Variants in CNTN6 observed in about 807,000 individuals in gnomAD.
CNTN6 encodes contactin-6.
CNTN6 carries 137 observed loss-of-function variants against 122.8 expected under a neutral mutation model. The ratio of observed to expected loss-of-function variants is 1.12; its 90% confidence interval spans 0.97 to 1.29. CNTN6 has a LOEUF of 1.29. Among genes scored for constraint, CNTN6 ranks in the 50% most tolerant of loss-of-function variants. CNTN6 has a pLI of 0.00. For missense variants in CNTN6, 1,634 were observed against 1,223.4 expected, an observed-to-expected ratio of 1.34 and a Z score of -5.01; for synonymous variants, 570 against 426.0, an observed-to-expected ratio of 1.34 and a Z score of -4.16.
At position 1,348,157 on chromosome 3, in the gene CNTN6, C is replaced by CAAAAAA. The variant is rs532282828; in HGVS notation, c.1365-4153_1365-4148dup. ...AATATTAGTATTTCTATGCTATAGA[C>CAAAAAA]AAAAAAAAAAAAAAAAAAAGGACTT... On this transcript the variant is annotated intron_variant, in intron 11 of 22. Transcript: ENST00000446702. Among the ~76,000 whole-genome samples, 7 of 64,272 alleles carry CAAAAAA rather than the reference C, an allele frequency of 1.1e-4. 1 individual carries two copies. The highest frequency in any genetic ancestry group is 2.1e-4 in the African/African-American group (3 of 14,592). The allele number at this position is 64,272 out of a possible 152,430, so 42.2% of individuals were successfully genotyped here. A position where few individuals can be genotyped will look rare whatever the true frequency, so the allele number is the denominator to read the frequency against.
chr3:1,367,857 C>T (rs1001721507), intron 12 of CNTN6, among the ~76,000 whole-genome samples: 5 of 152,084 alleles, frequency 3.3e-5, no homozygotes, highest in Admixed American at 2.6e-4. Flanking sequence ...CTGCAGGAAG[C>T]GACTTCAAAA....
At chr3:1,280,484 T>TTTTTTTTTAA (rs1693198713) in intron 5 of CNTN6, among the ~76,000 whole-genome samples, 1 of 143,686 alleles carries the variant, frequency 7.0e-6, no homozygotes, top group African/African-American at 2.6e-5. Flanking sequence ...TTTTTTTTTG[T>TTTTTTTTTAA]GATAGCATCT....
At chr3:1,238,250 T>A (rs1281403344) in intron 4 of CNTN6, among the ~76,000 whole-genome samples, 1 of 152,134 alleles carries the variant, frequency 6.6e-6, no homozygotes, top group African/African-American at 2.4e-5. Context: ...GAAAAAGATA[T>A]TCCGTGCAAA....
intron 11 of CNTN6, among the ~76,000 whole-genome samples, chr3:1,349,084 C>T (rs1041897750): frequency 6.6e-6 from 1 of 151,950 alleles, no homozygotes; most frequent in African/African-American, 2.4e-5. Context: ...GAAAAAATAT[C>T]TTAACATTGC....
chr3:1,237,372 G>C (rs1358204556), intron 4 of CNTN6, among the ~76,000 whole-genome samples: 4 of 151,910 alleles, frequency 2.6e-5, no homozygotes, highest in Non-Finnish European at 4.4e-5. Context: ...CTTAAAAAAT[G>C]AGCAAAGCTT....
At position 1,348,157 on chromosome 3, in the gene CNTN6, C is replaced by CAA. The variant is rs532282828; in HGVS notation, c.1365-4149_1365-4148dup. 3.0e-3 allele frequency among the ~76,000 whole-genome samples: 191 copies of CAA among 64,266 alleles called. 5 individuals are homozygous for CAA. The highest frequency in any genetic ancestry group is 0.016 in the Middle Eastern group (1 of 64). 42.2% of individuals were successfully genotyped at this position (64,266 alleles called of 152,430 possible). On this transcript the variant is annotated intron_variant, in intron 11 of 22. Transcript: ENST00000446702. ...AATATTAGTATTTCTATGCTATAGA[C>CAA]AAAAAAAAAAAAAAAAAAAGGACTT... is the stretch of plus-strand genomic sequence containing the variant.
chr3:1,288,959 C>CA (rs1285599342), intron 5 of CNTN6, among the ~76,000 whole-genome samples: 2 of 152,052 alleles, frequency 1.3e-5, no homozygotes, highest in African/African-American at 2.4e-5. Context: ...TGTGAAACTA[C>CA]AAAAAAATGC....
intron 20 of CNTN6, among the ~76,000 whole-genome samples, chr3:1,388,139 C>T (rs572040015): frequency 3.2e-4 from 49 of 152,158 alleles, no homozygotes; most frequent in African/African-American, 9.2e-4. Flanking sequence ...ACAGCAGTAA[C>T]GTCTGCAGAG....
chr3:1,328,767 G>A lies in CNTN6; in HGVS notation c.1214-1018G>A, dbSNP rs551733229. On this transcript the variant is annotated intron_variant, in intron 10 of 22. Coordinates refer to ENST00000446702, the MANE Select transcript of CNTN6 (RefSeq NM_001289080.2). The stretch of plus-strand genomic sequence containing the variant: ...AGAAGCAAGAGAGCATGGCATACCC[G>A]AAAGAACTTCAGTTCACTTGAGCTT... Among the ~76,000 whole-genome samples, 8 of 151,730 alleles carry A rather than the reference G, an allele frequency of 5.3e-5. No homozygotes were observed. The East Asian group carries it at 1.4e-3, about 26-fold the overall frequency.
At chr3:1,252,702 C>T (rs2094690412) in intron 4 of CNTN6, among the ~76,000 whole-genome samples, 1 of 152,122 alleles carries the variant, frequency 6.6e-6, no homozygotes, top group African/African-American at 2.4e-5. Context: ...GACTAAGATG[C>T]TTATTTTACT....
intron 4 of CNTN6, among the ~76,000 whole-genome samples, chr3:1,268,819 C>T (rs1395257988): frequency 6.6e-6 from 1 of 151,626 alleles, no homozygotes; most frequent in Non-Finnish European, 1.5e-5. Context: ...AAAAAAAAGC[C>T]AGTTTAAAAG....
At position 1,373,693 on chromosome 3, in the gene CNTN6, A is replaced by T. The variant is rs1411119507; in HGVS notation, c.1876A>T (p.Ser626Cys). 4.3e-6 allele frequency: 7 copies of T among 1,613,090 alleles called. No individual in the cohort carries two copies. Among genetic ancestry groups the T allele is most frequent in the Non-Finnish European group, 5.9e-6 (7 of 1,179,400 alleles). ...TTGGAGAGCAGGCCCAGATAATAAC[A>T]GTCCCATTCAAATATTTACTATTCA... Reference protein sequence around the residue: ...LSWRAGPDNNSPIQIFTIQTR... With the variant: ...LSWRAGPDNNCPIQIFTIQTR... The change falls in exon 15 of 23, where the codon AGT becomes TGT. Residue 626 changes from serine to cysteine, a missense_variant. Ser to Cys is a moderately radical substitution (Grantham distance 112). Coordinates refer to ENST00000446702, the MANE Select transcript of CNTN6 (RefSeq NM_001289080.2).
chr3:1,276,188 TG>T (rs1220928286), intron 4 of CNTN6, among the ~76,000 whole-genome samples: 1 of 152,192 alleles, frequency 6.6e-6, no homozygotes, highest in Non-Finnish European at 1.5e-5. Context: ...ATAACCAATG[TG>T]TATTTTTTTA....
intron 11 of CNTN6, among the ~76,000 whole-genome samples, chr3:1,350,114 G>A (rs1705394530): frequency 6.6e-6 from 1 of 151,762 alleles, no homozygotes; most frequent in Non-Finnish European, 1.5e-5. Flanking sequence ...AAAATTTTCA[G>A]ATTAAAGTTT....
chr3:1,289,864 C>T (rs879760055), intron 5 of CNTN6, among the ~76,000 whole-genome samples: 10 of 151,002 alleles, frequency 6.6e-5, no homozygotes, highest in Non-Finnish European at 1.2e-4. Context: ...TTGGTAGAGA[C>T]GGGGTTTCAC....
chr3:1,117,385 T>C (rs554158267), intron 1 of CNTN6, among the ~76,000 whole-genome samples: 25 of 152,136 alleles, frequency 1.6e-4, no homozygotes, highest in Non-Finnish European at 2.8e-4. Flanking sequence ...GGTGGTTTGA[T>C]ATGGCTGAAT....
chr3:1,144,577 T>C (rs2092683151), intron 1 of CNTN6, among the ~76,000 whole-genome samples: 1 of 111,066 alleles, frequency 9.0e-6, no homozygotes, highest in African/African-American at 3.8e-5. Context: ...CTCCATCTCA[T>C]TAAAAAATAA....
intron 4 of CNTN6, among the ~76,000 whole-genome samples, chr3:1,231,460 A>G (rs2094351779): frequency 6.6e-6 from 1 of 152,194 alleles, no homozygotes; most frequent in African/African-American, 2.4e-5. Flanking sequence ...TAGATAATTG[A>G]TGGCTTTTGT....
chr3:1,116,920 G>C (rs1050216557), intron 1 of CNTN6, among the ~76,000 whole-genome samples: 2 of 152,078 alleles, frequency 1.3e-5, no homozygotes, highest in African/African-American at 4.8e-5. Flanking sequence ...GGCTGGGCTG[G>C]TCTTGAACTC....
Sources: allele counts gnomAD v4.1 joint callset (sites outside exome capture counted in the v4.1 genomes callset), GRCh38; gene constraint gnomAD v4.1.1; transcripts MANE v1.5; gene names NCBI Gene and HGNC (gene_info 2026-07-23, HGNC 2026-07-21).